The following ATP9B variants were observed in gnomAD, a reference collection of about 807,000 sequenced individuals.
The protein encoded by ATP9B is ATPase phospholipid transporting 9B.
Under a neutral mutation model 146.1 loss-of-function variants are expected in ATP9B, and 110 were observed. The observed-to-expected ratio is 0.75, with a 90% confidence interval of 0.65 to 0.88. The LOEUF (loss-of-function observed/expected upper bound fraction) is 0.88, where lower values mean the gene tolerates loss of function less well. Ranked by LOEUF, ATP9B falls within the 40% of genes least tolerant of loss-of-function variation. ATP9B has a pLI of 0.00. For missense variants in ATP9B, 1,499 were observed against 1,496.4 expected (o/e 1.00, Z -0.03); for synonymous variants, 604 against 569.7 (o/e 1.06, Z -0.86).
At chr18:79,292,666 CT>C in intron 13 of ATP9B, among the ~76,000 whole-genome samples, 1 of 72,178 alleles carries the variant, frequency 1.4e-5, no homozygotes, top group South Asian at 3.4e-4. Flanking sequence ...GTGATTTCTT[CT>C]TTAAAAAAAA....
At chr18:79,296,979 TGACCCAGAGAGAAGACACAGAC>T (rs2096554154) in intron 13 of ATP9B, among the ~76,000 whole-genome samples, 1 of 94,970 alleles carries the variant, frequency 1.1e-5, no homozygotes. Flanking sequence ...GACAGAGAGA[TGACCCAGAGAGAAGACACAGAC>T]GACCCAGAGA....
chr18:79,170,094 G>A (rs1425246989), intron 7 of ATP9B, among the ~76,000 whole-genome samples: 1 of 152,200 alleles, frequency 6.6e-6, no homozygotes, highest in Non-Finnish European at 1.5e-5. Flanking sequence ...TTGCTCTGGA[G>A]AGGGAAAGGC....
At chr18:79,072,808 C>A (rs1178781357) in intron 1 of ATP9B, among the ~76,000 whole-genome samples, 1 of 151,596 alleles carries the variant, frequency 6.6e-6, no homozygotes, top group African/African-American at 2.4e-5. Context: ...GGGTGGCTGC[C>A]GGGCAGAGGG....
intron 1 of ATP9B, among the ~76,000 whole-genome samples, chr18:79,082,805 A>G (rs2073407152): frequency 6.6e-6 from 1 of 152,206 alleles, no homozygotes; most frequent in Admixed American, 6.5e-5. Context: ...CACCTGCCAG[A>G]TGCCAGCCGG....
intron 25 of ATP9B, among the ~76,000 whole-genome samples, chr18:79,355,774 A>G (rs892283028): frequency 6.6e-6 from 1 of 152,246 alleles, no homozygotes; most frequent in African/African-American, 2.4e-5. Flanking sequence ...TAGATTCAAG[A>G]AGGTAAGCAA....
chr18:79,369,183 G>A (rs1423681157), intron 26 of ATP9B, among the ~76,000 whole-genome samples: 3 of 148,906 alleles, frequency 2.0e-5, no homozygotes, highest in Non-Finnish European at 4.5e-5. Context: ...CGGGTCACGA[G>A]GTCAGGAGAT....
At chr18:79,194,601 T>C (rs913075197) in intron 9 of ATP9B, 1 of 152,224 alleles carries the variant, frequency 6.6e-6, no homozygotes, top group Non-Finnish European at 1.5e-5. Flanking sequence ...TACAGATGTT[T>C]TAAAAAGATG....
intron 29 of ATP9B, 112 bp downstream of exon 29, chr18:79,375,538 G>A: frequency 6.6e-7 from 1 of 1,516,310 alleles, no homozygotes; most frequent in Non-Finnish European, 8.9e-7. Context: ...GTGTTCCTCA[G>A]GAACTCTCTG....
intron 26 of ATP9B, 71 bp downstream of exon 26, chr18:79,359,533 CA>C (rs778722986): frequency 8.6e-7 from 1 of 1,167,540 alleles, no homozygotes; most frequent in Non-Finnish European, 1.3e-6. Context: ...GAGTGAGAAA[CA>C]GGCCAGTCAG....
intron 11 of ATP9B, among the ~76,000 whole-genome samples, chr18:79,229,718 A>G (rs2095771812): frequency 6.6e-6 from 1 of 152,244 alleles, no homozygotes; most frequent in Non-Finnish European, 1.5e-5. Context: ...GCATTCTTTA[A>G]TCAGTCATCA....
intron 6 of ATP9B, chr18:79,145,029 CG>C (rs1166053213): frequency 2.7e-5 from 6 of 225,956 alleles, no homozygotes; most frequent in South Asian, 1.0e-4. Flanking sequence ...AGCTGCATGT[CG>C]GGGGAGCTGG....
At chr18:79,281,247 A>G (rs932222716) in intron 13 of ATP9B, among the ~76,000 whole-genome samples, 1 of 152,236 alleles carries the variant, frequency 6.6e-6, no homozygotes, top group Non-Finnish European at 1.5e-5. Context: ...CCGTAATCCC[A>G]GCACTTTGGG....
At chr18:79,184,469 G>T (rs760697415) in intron 8 of ATP9B, among the ~76,000 whole-genome samples, 1 of 151,776 alleles carries the variant, frequency 6.6e-6, no homozygotes, top group East Asian at 1.9e-4. Flanking sequence ...TCTCATCCTC[G>T]CTCTGCTTCC....
At chr18:79,375,454 A>G (rs1159094472) in intron 29 of ATP9B, 28 bp downstream of exon 29, 5 of 1,609,236 alleles carry the variant, frequency 3.1e-6, no homozygotes, top group Non-Finnish European at 1.7e-6. Context: ...TTCTTTCAAA[A>G]GTGTAGAAAT....
In ATP9B at chr18:79,143,893, G is replaced by A. The variant is rs772572454; in HGVS notation, c.726+33G>A. ...ATTTTTTAATATATTTTAGACCTAT[G>A]TATGCTAGTTATTAATGTTTAGCCT... On this transcript the variant is annotated intron_variant, in intron 6 of 29. Coordinates refer to ENST00000426216, the MANE Select transcript of ATP9B (RefSeq NM_198531.5). 7 of 1,359,962 alleles carry A rather than the reference G, an allele frequency of 5.1e-6. No individual in the cohort carries two copies. In the Admixed American group the frequency reaches 1.4e-4, roughly 26 times the overall value. The allele number at this position is 1,359,962 out of a possible 1,614,324, so 84.2% of individuals were successfully genotyped here.
Position 79,285,126 on chromosome 18 carries a change from G to T in ATP9B, c.1411+7930G>T, listed in dbSNP as rs1243310442. 2.6e-5 allele frequency among the ~76,000 whole-genome samples: 4 copies of T among 151,312 alleles called. No individual in the cohort carries two copies. In the East Asian group the frequency reaches 5.8e-4, roughly 22 times the overall value. ...AGCAGCATGATTTATAGTCCTTTGGGTATATACCCAGTAATGGGATGGCTG... is the reference window on the plus strand; with the variant it reads ...AGCAGCATGATTTATAGTCCTTTGGTTATATACCCAGTAATGGGATGGCTG... On this transcript the variant is annotated intron_variant, in intron 13 of 29. Transcript: ENST00000426216.
chr18:79,081,423 T>A (rs1438174618), intron 1 of ATP9B, among the ~76,000 whole-genome samples: 4 of 152,022 alleles, frequency 2.6e-5, no homozygotes, highest in Non-Finnish European at 4.4e-5. Context: ...TATTCTCTGA[T>A]GGTAGTTTGT....
In ATP9B at chr18:79,277,348, ACTCTT is replaced by A. The variant is rs999222319; in HGVS notation, c.1411+153_1411+157del. On this transcript the variant is annotated intron_variant, in intron 13 of 29. Transcript: ENST00000426216. ...CCATATTTAGAATTTTTCAGCCTCTACTCTTGAAACTGTCACACAGCTTAATCATC... is the reference window on the plus strand; with the variant it reads ...CCATATTTAGAATTTTTCAGCCTCTAGAAACTGTCACACAGCTTAATCATC... The A allele has an allele frequency of 6.9e-6, 6 of 865,564 alleles. No individual in the cohort carries two copies. The African/African-American group carries it at 8.5e-5, about 12-fold the overall frequency. 53.6% of individuals were successfully genotyped at this position (865,564 alleles called of 1,614,324 possible). A position where few individuals can be genotyped will look rare whatever the true frequency, so the allele number is the denominator to read the frequency against.
At chr18:79,083,850 A>G (rs552536726) in intron 1 of ATP9B, among the ~76,000 whole-genome samples, 1 of 148,844 alleles carries the variant, frequency 6.7e-6, no homozygotes, top group African/African-American at 2.5e-5. Context: ...AGCTGTTCCT[A>G]TTGACCATCT....
Sources: gnomAD v4.1 joint callset for allele counts (sites outside exome capture counted in the v4.1 genomes callset) on GRCh38, gnomAD v4.1.1 for gene constraint, MANE v1.5 for transcripts, NCBI Gene and HGNC (gene_info 2026-07-23, HGNC 2026-07-21) for gene names.